MACROD2: variants seen among roughly 807,000 people sequenced by gnomAD.
MACROD2 encodes the protein mono-ADP ribosylhydrolase 2, also known as ADP-ribose glycohydrolase MACROD2.
A neutral mutation model predicts 70.4 loss-of-function variants in MACROD2; 36 were observed. That is an observed-to-expected ratio of 0.51 (90% confidence interval 0.39 to 0.68). The LOEUF is 0.68. MACROD2 is among the 30% of genes least tolerant of loss of function. The pLI is 0.00. For missense variants in MACROD2, 496 were observed against 538.4 expected, an observed-to-expected ratio of 0.92 and a Z score of 0.78; for synonymous variants, 172 against 178.8, an observed-to-expected ratio of 0.96 and a Z score of 0.30.
At chr20:14,586,934 C>T (rs1265179327) in intron 4 of MACROD2, among the ~76,000 whole-genome samples, 1 of 151,822 alleles carries the variant, frequency 6.6e-6, no homozygotes, top group Non-Finnish European at 1.5e-5. Context: ...AGGATTTTGA[C>T]ATAATATATT....
chr20:14,505,534 G>T (rs1247470420), intron 4 of MACROD2, among the ~76,000 whole-genome samples: 1 of 152,144 alleles, frequency 6.6e-6, no homozygotes, highest in East Asian at 1.9e-4. Flanking sequence ...CTTGAACAGG[G>T]AGAAGAACTC....
intron 2 of MACROD2, among the ~76,000 whole-genome samples, chr20:14,007,448 G>A (rs1487926272): frequency 6.6e-6 from 1 of 151,892 alleles, no homozygotes; most frequent in South Asian, 2.1e-4. Flanking sequence ...TGTCCCAGTG[G>A]TTAACAGTCT....
intron 5 of MACROD2, among the ~76,000 whole-genome samples, chr20:15,112,529 AG>A (rs200958516): frequency 1.5e-3 from 228 of 152,154 alleles, no homozygotes; most frequent in African/African-American, 3.8e-3. Flanking sequence ...CTGTTAAGAA[AG>A]AAAAAAATGC....
At chr20:15,865,653 A>G (rs1361492299) in intron 9 of MACROD2, among the ~76,000 whole-genome samples, 2 of 152,316 alleles carry the variant, frequency 1.3e-5, no homozygotes, top group Admixed American at 6.5e-5. Flanking sequence ...AATTGGGTTC[A>G]GATATGTATG....
intron 5 of MACROD2, among the ~76,000 whole-genome samples, chr20:15,110,964 C>T (rs962332649): frequency 1.3e-5 from 2 of 152,146 alleles, no homozygotes; most frequent in Non-Finnish European, 2.9e-5. Context: ...CACCTGCATC[C>T]AATACTTATT....
intron 8 of MACROD2, among the ~76,000 whole-genome samples, chr20:15,532,102 T>C (rs2047811391): frequency 6.6e-6 from 1 of 152,290 alleles, no homozygotes; most frequent in Non-Finnish European, 1.5e-5. Flanking sequence ...TTTAACTTAC[T>C]GGTAAGTGAC....
At chr20:14,638,061 A>G (rs1984878979) in intron 4 of MACROD2, among the ~76,000 whole-genome samples, 1 of 151,848 alleles carries the variant, frequency 6.6e-6, no homozygotes, top group Admixed American at 6.6e-5. Flanking sequence ...GCAGGATGGG[A>G]AGAAAAAGTA....
chr20:15,255,441 C>G (rs7274642), intron 6 of MACROD2, among the ~76,000 whole-genome samples: 69,789 of 151,836 alleles, frequency 0.46, 18,110 homozygotes, highest in African/African-American at 0.69. Flanking sequence ...ACCTATGGTA[C>G]AATTGGCAAT....
intron 2 of MACROD2, among the ~76,000 whole-genome samples, chr20:14,049,484 T>C (rs1332684599): frequency 6.6e-6 from 1 of 151,688 alleles, no homozygotes; most frequent in East Asian, 1.9e-4. Flanking sequence ...CTCACGCTTA[T>C]AATCCCAGCA....
At chr20:14,856,587 T>A (rs748143916) in intron 5 of MACROD2, among the ~76,000 whole-genome samples, 1 of 152,190 alleles carries the variant, frequency 6.6e-6, no homozygotes, top group Non-Finnish European at 1.5e-5. Flanking sequence ...TGACAAGCTA[T>A]TTTCCCAAAT....
intron 5 of MACROD2, among the ~76,000 whole-genome samples, chr20:14,830,655 T>A (rs1280744041): frequency 6.6e-6 from 1 of 152,106 alleles, no homozygotes; most frequent in Non-Finnish European, 1.5e-5. Context: ...GACAATTCAG[T>A]TAAAAGTGAA....
At chr20:14,122,422 A>G (rs1190087348) in intron 3 of MACROD2, among the ~76,000 whole-genome samples, 3 of 152,198 alleles carry the variant, frequency 2.0e-5, no homozygotes, top group Non-Finnish European at 4.4e-5. Context: ...ATAGAACAGT[A>G]TATTTATTCT....
At chr20:15,168,144 T>C (rs2076398059) in intron 5 of MACROD2, among the ~76,000 whole-genome samples, 1 of 152,106 alleles carries the variant, frequency 6.6e-6, no homozygotes, top group Admixed American at 6.5e-5. Flanking sequence ...AGCTCCTTGC[T>C]CAAAGCCTGG....
In MACROD2 at chr20:14,775,242, C is replaced by T. The variant is rs182827685; in HGVS notation, c.418+90283C>T. Among the ~76,000 whole-genome samples the T allele has an allele frequency of 7.8e-4, 119 of 152,110 alleles. 3 individuals are homozygous for T. Among genetic ancestry groups the T allele is most frequent in the African/African-American group, 2.6e-3 (108 of 41,482 alleles). ...TATTGTACACATTTATTAGCTAACG[C>T]GGTGGGCTTAGCAAGTGGCTGTATT... On this transcript the variant is annotated intron_variant, in intron 5 of 17. Coordinates refer to ENST00000684519, the MANE Select transcript of MACROD2 (RefSeq NM_001351661.2).
chr20:14,671,878 C>T (rs146598240), intron 4 of MACROD2, among the ~76,000 whole-genome samples: 1 of 152,194 alleles, frequency 6.6e-6, no homozygotes, highest in East Asian at 1.9e-4. Context: ...AACACTGATG[C>T]TATTCAGTAC....
At chr20:15,585,220 T>C (rs1411806007) in intron 8 of MACROD2, among the ~76,000 whole-genome samples, 1 of 149,102 alleles carries the variant, frequency 6.7e-6, no homozygotes, top group African/African-American at 2.5e-5. Context: ...TTTTTTTAGA[T>C]GGAGTCTCGC....
At chr20:14,122,484 A>T (rs980693487) in intron 3 of MACROD2, among the ~76,000 whole-genome samples, 1 of 152,160 alleles carries the variant, frequency 6.6e-6, no homozygotes, top group Non-Finnish European at 1.5e-5. Context: ...TACTTTCCTC[A>T]TCAGTTAATC....
At chr20:14,038,951 GA>G (rs1001174341) in intron 2 of MACROD2, among the ~76,000 whole-genome samples, 3 of 152,104 alleles carry the variant, frequency 2.0e-5, no homozygotes, top group African/African-American at 7.2e-5. Context: ...AAGTTGGTAG[GA>G]TGGGCCATAT....
chr20:14,819,761 G>T (rs2072818840), intron 5 of MACROD2, among the ~76,000 whole-genome samples: 1 of 152,128 alleles, frequency 6.6e-6, no homozygotes, highest in Non-Finnish European at 1.5e-5. Context: ...GGAAAGGAGA[G>T]AAGTGTTCTA....
Sources: allele counts gnomAD v4.1 joint callset (sites outside exome capture counted in the v4.1 genomes callset), GRCh38; gene constraint gnomAD v4.1.1; transcripts MANE v1.5; gene names NCBI Gene and HGNC (gene_info 2026-07-23, HGNC 2026-07-21).